Variants in TRIML1 observed in about 807,000 individuals in gnomAD.
The protein encoded by TRIML1 is tripartite motif family like 1, also known as probable E3 ubiquitin-protein ligase TRIML1.
TRIML1 carries 34 observed loss-of-function variants against 32.3 expected under a neutral mutation model. The observed-to-expected ratio is 1.05, with a 90% CI of 0.80 to 1.40. The LOEUF is 1.40. Among genes scored for constraint, TRIML1 ranks in the 40% most tolerant of loss-of-function variants. TRIML1 has a pLI of 0.00. For missense variants in TRIML1, 595 were observed against 574.9 expected (o/e 1.03, Z -0.36); for synonymous variants, 244 against 226.6 (o/e 1.08, Z -0.69).
At chr4:188,143,798 C>G (rs28463290) in intron 3 of TRIML1, 40 bp from the exon 4 acceptor site, 944,600 of 1,612,072 alleles carry the variant, frequency 0.59, 282,935 homozygotes, top group South Asian at 0.63. Flanking sequence ...GTGTTATGAT[C>G]AAAGCGCACC....
chr4:188,149,960 C>T (rs1579174875), downstream of TRIML1, among the ~76,000 whole-genome samples: 1 of 151,432 alleles, frequency 6.6e-6, no homozygotes, highest in Non-Finnish European at 1.5e-5. Flanking sequence ...TCGCGCACCA[C>T]CATGCCCAGC....
chr4:188,147,618 T>C lies in TRIML1; in HGVS notation c.*246T>C. On this transcript the variant is annotated 3_prime_UTR_variant, in exon 6 of 6. Transcript: ENST00000332517. ...CTTTAAGTAAATGTATTCTCTGGGC[T>C]ACCCCATGTGTGTGCTGGTCACTCA... 2.8e-6 allele frequency: 1 copy of C among 361,492 alleles called. No homozygotes were observed. Among genetic ancestry groups the C allele is most frequent in the Non-Finnish European group, 4.9e-6 (1 of 203,390 alleles). 22.4% of individuals were successfully genotyped at this position (361,492 alleles called of 1,614,324 possible).
At chr4:188,148,527 G>A (rs1216654016), downstream of TRIML1, among the ~76,000 whole-genome samples, 2 of 152,030 alleles carry the variant, frequency 1.3e-5, no homozygotes, top group African/African-American at 4.8e-5. Context: ...GTGAGGAAGT[G>A]GTGGTGGCTG....
intron 5 of TRIML1, among the ~76,000 whole-genome samples, chr4:188,145,564 T>G (rs1170253017): frequency 6.7e-6 from 1 of 150,000 alleles, no homozygotes; most frequent in Non-Finnish European, 1.5e-5. Context: ...GGCTCATGCC[T>G]GTAATCCCAG....
At position 188,146,804 on chromosome 4, in the gene TRIML1, T is replaced by C. The variant is rs201746313; in HGVS notation, c.857-18T>C. 24 of 1,354,576 alleles carry C rather than the reference T, an allele frequency of 1.8e-5. No individual in the cohort carries two copies. Among genetic ancestry groups the C allele is most frequent in the Non-Finnish European group, 2.2e-5 (23 of 1,046,898 alleles). The allele number at this position is 1,354,576 out of a possible 1,614,324, so 83.9% of individuals were successfully genotyped here. A position where few individuals can be genotyped will look rare whatever the true frequency, so the allele number is the denominator to read the frequency against. The stretch of plus-strand genomic sequence containing the variant: ...TCAAGCATGCCCAAGGGAAATCTCT[T>C]CTTTCCTCCTCTTGCAGCGGAGATA... On this transcript the variant is annotated intron_variant, in intron 5 of 5. Coordinates refer to ENST00000332517, the MANE Select transcript of TRIML1 (RefSeq NM_178556.5).
At chr4:188,148,256 G>A (rs1735159209), downstream of TRIML1, among the ~76,000 whole-genome samples, 1 of 152,120 alleles carries the variant, frequency 6.6e-6, no homozygotes, top group Non-Finnish European at 1.5e-5. Flanking sequence ...CACTTTGGGA[G>A]GCCGAGGTGG....
At position 188,142,389 on chromosome 4, in the gene TRIML1, T is replaced by C. The variant is rs145318810; in HGVS notation, c.642T>C (p.Asn214=). Reference sequence around the variant, plus strand: ...AGAACATGAGGAAGCTGAGGAACAATGAGATCAAACTGACCCAGCAAATCA... The same window carrying C: ...AGAACATGAGGAAGCTGAGGAACAACGAGATCAAACTGACCCAGCAAATCA... ...EKENMRKLRN[N]EIKLTQQIRS... Residue 214 remains asparagine (N), a synonymous_variant, in exon 3 of 6, where the codon AAT becomes AAC. Transcript: ENST00000332517. 283 of 1,613,658 alleles carry C rather than the reference T, an allele frequency of 1.8e-4. No individual in the cohort carries two copies. The highest frequency in any genetic ancestry group is 2.3e-4 in the Non-Finnish European group (274 of 1,179,992).
At chr4:188,139,196 C>T (rs1172916204), upstream of TRIML1, among the ~76,000 whole-genome samples, 1 of 152,224 alleles carries the variant, frequency 6.6e-6, no homozygotes, top group East Asian at 1.9e-4. Flanking sequence ...CAGCCTAAAA[C>T]CCACATGCTC....
chr4:188,143,919 G>A, intron 4 of TRIML1, 59 bp downstream of exon 4: 1 of 1,611,842 alleles, frequency 6.2e-7, no homozygotes, highest in Non-Finnish European at 8.5e-7. Flanking sequence ...CTGATGGACA[G>A]TTCTGAGTGG....
At chr4:188,141,448 G>A (rs112066339) in intron 2 of TRIML1, among the ~76,000 whole-genome samples, 20,252 of 152,138 alleles carry the variant, frequency 0.13, 1,764 homozygotes, top group Middle Eastern at 0.23. Context: ...TTACAGGTGT[G>A]AGCCACCGTG....
At chr4:188,141,885 G>A (rs1266133972) in intron 2 of TRIML1, among the ~76,000 whole-genome samples, 1 of 151,980 alleles carries the variant, frequency 6.6e-6, no homozygotes, top group African/African-American at 2.4e-5. Flanking sequence ...GGCTGAGGAG[G>A]GTGGGTCACC....
upstream of TRIML1, among the ~76,000 whole-genome samples, chr4:188,138,897 A>G (rs1734746265): frequency 6.6e-6 from 1 of 152,066 alleles, no homozygotes; most frequent in African/African-American, 2.4e-5. Flanking sequence ...CGTGCGCCTA[A>G]CACCAAGGAA....
chr4:188,140,433 T>G, intron 1 of TRIML1, 95 bp from the exon 2 acceptor site: 1 of 995,696 alleles, frequency 1.0e-6, no homozygotes, highest in South Asian at 1.4e-5. Flanking sequence ...GCCCTTTGTT[T>G]TAGAGGCCTA....
chr4:188,140,727 T>C, intron 2 of TRIML1, 104 bp downstream of exon 2: 1 of 844,762 alleles, frequency 1.2e-6, no homozygotes. Flanking sequence ...ATTTTTCCAG[T>C]CTCACCTCTA....
downstream of TRIML1, among the ~76,000 whole-genome samples, chr4:188,148,561 T>A (rs947889549): frequency 2.6e-5 from 4 of 152,102 alleles, no homozygotes; most frequent in African/African-American, 9.7e-5. Context: ...TGGCTGGTGG[T>A]CTGCATTAGG....
rs765019514 is a variant in TRIML1 at position 188,147,101 on chromosome 4, T to C, written c.1136T>C (p.Ile379Thr). The change falls in exon 6 of 6, where the codon ATA (isoleucine) becomes ACA (threonine). Residue 379 changes from isoleucine (I) to threonine (T), a missense_variant. Physicochemically the swap from Ile to Thr is moderately conservative, Grantham distance 89. Coordinates refer to ENST00000332517, the MANE Select transcript of TRIML1 (RefSeq NM_178556.5). ...CCACCTGGGGACCTGTTCTCACTAA[T>C]AGGTTTAAAAATCGGAGATGATTAC... ...PKPPGDLFSL[I>T]GLKIGDDYSL... is the part of the protein sequence containing the mutation. 12 of 1,613,882 alleles carry C rather than the reference T, an allele frequency of 7.4e-6. No homozygotes were observed. The highest frequency in any genetic ancestry group is 1.0e-5 in the Non-Finnish European group (12 of 1,180,014).
rs1274968499 is a variant in TRIML1, at chr4:188,143,853, C to T, written c.751C>T (p.Leu251=). The change falls in exon 4 of 6, where the codon CTG becomes TTG. Residue 251 remains leucine (L), a synonymous_variant. Coordinates refer to ENST00000332517, the MANE Select transcript of TRIML1 (RefSeq NM_178556.5). Reference sequence around the variant, plus strand: ...TTACCCGTAGGAAGTGAGAGGAGCCCTGGAAAGGTAGGCTTTCATTCTGTG... The same window carrying T: ...TTACCCGTAGGAAGTGAGAGGAGCCTTGGAAAGGTAGGCTTTCATTCTGTG... ...FESLEEVRGA[L]ERSEPLLLQC... The T allele has an allele frequency of 1.9e-6, 3 of 1,614,154 alleles. No homozygotes were observed. The African/African-American group carries it at 4.0e-5, about 22-fold the overall frequency.
At chr4:188,140,790 A>C (rs1734825632) in intron 2 of TRIML1, 167 bp downstream of exon 2, 1 of 579,846 alleles carries the variant, frequency 1.7e-6, no homozygotes, top group Non-Finnish European at 3.1e-6. Context: ...TCCTCGTGGG[A>C]GTCTCAAGGC....
downstream of TRIML1, among the ~76,000 whole-genome samples, chr4:188,148,878 A>C (rs1355351345): frequency 1.5e-5 from 2 of 137,486 alleles, no homozygotes; most frequent in Admixed American, 1.6e-4. Context: ...CTAGGATTAC[A>C]GGTGTGAGCC....
Sources: allele counts gnomAD v4.1 joint callset (sites outside exome capture counted in the v4.1 genomes callset), GRCh38; gene constraint gnomAD v4.1.1; transcripts MANE v1.5; gene names NCBI Gene and HGNC (gene_info 2026-07-23, HGNC 2026-07-21).